Variants in CPA6 observed in about 807,000 individuals in gnomAD.
The protein encoded by CPA6 is carboxypeptidase B.
A neutral mutation model predicts 63.3 loss-of-function variants in CPA6; 58 were observed. The ratio of observed to expected loss-of-function variants is 0.92; its 90% CI spans 0.74 to 1.14. The LOEUF (loss-of-function observed/expected upper bound fraction) is 1.14. CPA6 is among the 50% of genes most tolerant of loss of function. CPA6 has a pLI of 0.00. For synonymous variants in CPA6, 185 were observed against 179.0 expected (o/e 1.03, Z -0.27); for missense variants, 565 against 526.6 (o/e 1.07, Z -0.71).
At chr8:67,675,837 T>G (rs1320990840) in intron 1 of CPA6, among the ~76,000 whole-genome samples, 1 of 152,184 alleles carries the variant, frequency 6.6e-6, no homozygotes, top group African/African-American at 2.4e-5. Context: ...CTCATGGTCT[T>G]TCTGCACATT....
At chr8:67,461,722 G>A (rs1230154201) in intron 8 of CPA6, among the ~76,000 whole-genome samples, 1 of 151,460 alleles carries the variant, frequency 6.6e-6, no homozygotes, top group East Asian at 2.0e-4. Flanking sequence ...CGGATGGAGC[G>A]GCTGGCCGGG....
At chr8:67,558,158 C>T (rs905317225) in intron 2 of CPA6, among the ~76,000 whole-genome samples, 3 of 152,224 alleles carry the variant, frequency 2.0e-5, no homozygotes, top group Admixed American at 2.0e-4. Flanking sequence ...CGCCTTCACA[C>T]TTGCTATGAT....
intron 1 of CPA6, among the ~76,000 whole-genome samples, chr8:67,687,626 C>T (rs2128996829): frequency 6.6e-6 from 1 of 152,180 alleles, no homozygotes; most frequent in Non-Finnish European, 1.5e-5. Flanking sequence ...ATTTAGGAAG[C>T]ATGTATCTAA....
At chr8:67,605,878 T>A (rs922896752) in intron 2 of CPA6, among the ~76,000 whole-genome samples, 5 of 152,076 alleles carry the variant, frequency 3.3e-5, no homozygotes, top group African/African-American at 1.2e-4. Context: ...TTTGTCATAG[T>A]CATGCACAGC....
At chr8:67,481,245 TA>T (rs1811354705) in intron 8 of CPA6, among the ~76,000 whole-genome samples, 1 of 152,222 alleles carries the variant, frequency 6.6e-6, no homozygotes. Flanking sequence ...CAGCATATTT[TA>T]AAAAGAGTGC....
At chr8:67,487,759 G>A (rs1563973085) in intron 6 of CPA6, among the ~76,000 whole-genome samples, 1 of 152,200 alleles carries the variant, frequency 6.6e-6, no homozygotes, top group Non-Finnish European at 1.5e-5. Flanking sequence ...TCTAACTGGT[G>A]TGAGATGATA....
intron 8 of CPA6, among the ~76,000 whole-genome samples, chr8:67,455,057 C>T (rs1007832534): frequency 5.9e-5 from 9 of 152,048 alleles, no homozygotes; most frequent in South Asian, 2.1e-4. Flanking sequence ...CAAAAAAATA[C>T]GATTTTAATT....
At chr8:67,637,981 T>TTGTGTGTGTGTGTGTG (rs3055710) in intron 1 of CPA6, among the ~76,000 whole-genome samples, 4 of 146,572 alleles carry the variant, frequency 2.7e-5, no homozygotes, top group African/African-American at 1.0e-4. Flanking sequence ...GCTAGAAATT[T>TTGTGTGTGTGTGTGTG]TGTGTGTGTG....
intron 2 of CPA6, among the ~76,000 whole-genome samples, chr8:67,539,365 C>T (rs972737828): frequency 3.0e-4 from 45 of 152,284 alleles, no homozygotes; most frequent in African/African-American, 9.9e-4. Flanking sequence ...CAAAGACATC[C>T]GCTCTTAGTC....
chr8:67,440,969 C>T (rs1270824174), intron 8 of CPA6, among the ~76,000 whole-genome samples: 1 of 152,138 alleles, frequency 6.6e-6, no homozygotes, highest in African/African-American at 2.4e-5. Flanking sequence ...CTGAATTTAA[C>T]TAATTACTTC....
At chr8:67,503,941 C>T (rs1811879417) in intron 6 of CPA6, among the ~76,000 whole-genome samples, 1 of 150,994 alleles carries the variant, frequency 6.6e-6, no homozygotes, top group African/African-American at 2.5e-5. Context: ...GTGTGATGTT[C>T]CCCTCCCTGT....
At chr8:67,446,353 G>T (rs1319716997) in intron 8 of CPA6, among the ~76,000 whole-genome samples, 5 of 151,568 alleles carry the variant, frequency 3.3e-5, no homozygotes, top group African/African-American at 1.2e-4. Context: ...ATAGAGTCTC[G>T]ATATCTCGTC....
chr8:67,496,987 A>T (rs57714056), intron 6 of CPA6, among the ~76,000 whole-genome samples: 2 of 152,044 alleles, frequency 1.3e-5, no homozygotes, highest in Non-Finnish European at 2.9e-5. Flanking sequence ...GATTTGGGGC[A>T]TTGCATATGT....
chr8:67,430,700 T>A (rs1810007833), intron 9 of CPA6, among the ~76,000 whole-genome samples: 1 of 152,164 alleles, frequency 6.6e-6, no homozygotes, highest in African/African-American at 2.4e-5. Context: ...TTAGACGGAA[T>A]AATTCTTTGC....
chr8:67,537,879 C>T (rs964292536), intron 2 of CPA6, among the ~76,000 whole-genome samples: 156 of 152,228 alleles, frequency 1.0e-3, no homozygotes, highest in African/African-American at 3.4e-3. Flanking sequence ...GATTCTAGTA[C>T]GTTGTGTCTT....
intron 8 of CPA6, among the ~76,000 whole-genome samples, chr8:67,478,547 A>G (rs1208269517): frequency 6.6e-6 from 1 of 152,202 alleles, no homozygotes; most frequent in Non-Finnish European, 1.5e-5. Flanking sequence ...AGGTAGATAG[A>G]GTCAGAATTG....
At chr8:67,544,243 G>A (rs1385694090) in intron 2 of CPA6, among the ~76,000 whole-genome samples, 1 of 152,092 alleles carries the variant, frequency 6.6e-6, no homozygotes, top group African/African-American at 2.4e-5. Context: ...AGGAAAAGGG[G>A]GTTACACCTA....
At chr8:67,600,912 A>G (rs1744246268) in intron 2 of CPA6, among the ~76,000 whole-genome samples, 2 of 152,230 alleles carry the variant, frequency 1.3e-5, no homozygotes, top group South Asian at 2.1e-4. Flanking sequence ...ATATTTTTAT[A>G]TAACTGAATA....
intron 8 of CPA6, among the ~76,000 whole-genome samples, chr8:67,448,473 A>G (rs2128955320): frequency 6.6e-6 from 1 of 151,804 alleles, no homozygotes; most frequent in South Asian, 2.1e-4. Flanking sequence ...TCTGCTAAAA[A>G]TACAAAAAAT....
Sources: allele counts gnomAD v4.1 joint callset (sites outside exome capture counted in the v4.1 genomes callset), GRCh38; gene constraint gnomAD v4.1.1; transcripts MANE v1.5; gene names NCBI Gene and HGNC (gene_info 2026-07-23, HGNC 2026-07-21).